CNOT4: variants seen among roughly 807,000 people sequenced by gnomAD.
CNOT4 encodes CCR4-NOT transcription complex subunit 4, also known as CCR4-associated factor 4.
CNOT4 carries 8 observed loss-of-function variants against 73.8 expected under a neutral mutation model. The observed-to-expected ratio is 0.11, with a 90% confidence interval of 0.06 to 0.20. The LOEUF is 0.20. Ranked by LOEUF, CNOT4 falls within the 10% of genes least tolerant of loss-of-function variation. CNOT4 has a pLI of 1.00. For synonymous variants in CNOT4, 293 were observed against 321.1 expected (o/e 0.91, Z 0.94); for missense variants, 564 against 883.4 (o/e 0.64, Z 4.58).
At chr7:135,499,108 C>G (rs1405845487) in intron 1 of CNOT4, among the ~76,000 whole-genome samples, 1 of 152,148 alleles carries the variant, frequency 6.6e-6, no homozygotes. Flanking sequence ...GAGTGCCTAA[C>G]TACAACATTA....
At chr7:135,412,845 T>C (rs1308842113) in intron 6 of CNOT4, among the ~76,000 whole-genome samples, 1 of 151,944 alleles carries the variant, frequency 6.6e-6, no homozygotes, top group Non-Finnish European at 1.5e-5. Context: ...ATTTAATATG[T>C]CGTATGGTCA....
chr7:135,397,635 T>C (rs7810911), intron 8 of CNOT4, among the ~76,000 whole-genome samples: 142,066 of 151,176 alleles, frequency 0.94, 66,810 homozygotes, highest in East Asian at 1. Flanking sequence ...CCCTGAGCAA[T>C]AAGACAAGAT....
rs1264501042 is a variant in CNOT4 at position 135,461,915 on chromosome 7, C to T, written c.-92-23492G>A. 4.6e-5 allele frequency among the ~76,000 whole-genome samples: 7 copies of T among 151,840 alleles called. No individual in the cohort carries two copies. In the East Asian group the frequency reaches 1.4e-3, roughly 29 times the overall value. On this transcript the variant is annotated intron_variant, in intron 1 of 11. Transcript: ENST00000541284. ...TTAAAAATTAACTGTCTTTTTTTTA[C>T]CAAGATGAAATTTCAGTAAAATATC...
At chr7:135,379,405 C>G (rs964514732) in intron 10 of CNOT4, among the ~76,000 whole-genome samples, 1 of 152,118 alleles carries the variant, frequency 6.6e-6, no homozygotes. Context: ...TTACACTTGT[C>G]TGGAACCAGG....
Position 135,438,395 on chromosome 7 carries a change from T to A in CNOT4, c.-64A>T. The stretch of plus-strand genomic sequence containing the variant: ...TTTAAGGGAGAAGGAAGTTCAGCAC[T>A]GAAAGCTAAAATGTAGGACTTTGAC... On this transcript the variant is annotated 5_prime_UTR_variant, in exon 2 of 12. Transcript: ENST00000541284. 7.2e-7 allele frequency: 1 copy of A among 1,382,090 alleles called. No individual in the cohort carries two copies. Among genetic ancestry groups the A allele is most frequent in the Non-Finnish European group, 9.7e-7 (1 of 1,028,950 alleles). 85.6% of individuals were successfully genotyped at this position (1,382,090 alleles called of 1,614,324 possible). A position where few individuals can be genotyped will look rare whatever the true frequency, so the allele number is the denominator to read the frequency against.
chr7:135,365,106 T>C (rs1585536351), intron 10 of CNOT4, among the ~76,000 whole-genome samples: 1 of 152,370 alleles, frequency 6.6e-6, no homozygotes, highest in South Asian at 2.1e-4. Context: ...AGGCACGATC[T>C]ATGCTGCTTA....
chr7:135,448,916 G>GAAAA (rs567331274), intron 1 of CNOT4, among the ~76,000 whole-genome samples: 1 of 150,110 alleles, frequency 6.7e-6, no homozygotes, highest in African/African-American at 2.4e-5. Flanking sequence ...GAATAGAGAG[G>GAAAA]AAAAAAAAGA....
chr7:135,367,660 T>G (rs941000679), intron 10 of CNOT4, among the ~76,000 whole-genome samples: 1 of 152,218 alleles, frequency 6.6e-6, no homozygotes, highest in South Asian at 2.1e-4. Flanking sequence ...GAACTAGCCC[T>G]GTGTACTAGT....
intron 1 of CNOT4, among the ~76,000 whole-genome samples, chr7:135,441,965 G>A (rs552188192): frequency 1.6e-4 from 24 of 152,166 alleles, no homozygotes; most frequent in Non-Finnish European, 3.4e-4. Flanking sequence ...GCTGCCAAAA[G>A]TAATCTCATA....
intron 1 of CNOT4, among the ~76,000 whole-genome samples, chr7:135,438,922 G>T (rs150351212): frequency 3.9e-5 from 6 of 152,022 alleles, no homozygotes; most frequent in Non-Finnish European, 8.8e-5. Context: ...AGAAAAACTC[G>T]GATGCCATAG....
intron 1 of CNOT4, among the ~76,000 whole-genome samples, chr7:135,488,406 T>C (rs1802883633): frequency 6.6e-6 from 1 of 152,126 alleles, no homozygotes; most frequent in Admixed American, 6.5e-5. Context: ...AGAGAAGGGG[T>C]TTCACCGTGT....
chr7:135,446,526 TA>T (rs1400047641), intron 1 of CNOT4, among the ~76,000 whole-genome samples: 2 of 152,232 alleles, frequency 1.3e-5, no homozygotes, highest in Non-Finnish European at 2.9e-5. Context: ...ATGATTACTA[TA>T]TTTAATTAAC....
chr7:135,470,779 A>G (rs1322237823), intron 1 of CNOT4, among the ~76,000 whole-genome samples: 5 of 152,166 alleles, frequency 3.3e-5, no homozygotes, highest in African/African-American at 9.7e-5. Flanking sequence ...AACAGCCACA[A>G]CTAAGCTCTG....
intron 1 of CNOT4, among the ~76,000 whole-genome samples, chr7:135,443,590 AACG>A (rs2129485559): frequency 6.6e-6 from 1 of 151,944 alleles, no homozygotes; most frequent in African/African-American, 2.4e-5. Context: ...CAAAGAATAA[AACG>A]ACATTACTTT....
At chr7:135,421,878 T>C (rs1179163850) in intron 3 of CNOT4, among the ~76,000 whole-genome samples, 1 of 152,208 alleles carries the variant, frequency 6.6e-6, no homozygotes, top group Admixed American at 6.5e-5. Flanking sequence ...AATAGAATCA[T>C]TATCCAATTT....
chr7:135,458,218 T>C (rs1201411008), intron 1 of CNOT4, among the ~76,000 whole-genome samples: 3 of 152,164 alleles, frequency 2.0e-5, no homozygotes, highest in Admixed American at 2.0e-4. Context: ...AAGGTATGTT[T>C]ACACTATACT....
At chr7:135,390,796 C>T (rs1796360915) in intron 10 of CNOT4, among the ~76,000 whole-genome samples, 1 of 151,978 alleles carries the variant, frequency 6.6e-6, no homozygotes, top group African/African-American at 2.4e-5. Flanking sequence ...ACTGCCATCT[C>T]TGATTTGCTC....
At chr7:135,490,512 A>G (rs1190769886) in intron 1 of CNOT4, among the ~76,000 whole-genome samples, 1 of 152,174 alleles carries the variant, frequency 6.6e-6, no homozygotes, top group East Asian at 1.9e-4. Flanking sequence ...AGGAATAGCA[A>G]CCAACTCAGG....
intron 1 of CNOT4, among the ~76,000 whole-genome samples, chr7:135,474,305 G>C (rs1214261936): frequency 1.1e-5 from 1 of 89,240 alleles, no homozygotes; most frequent in South Asian, 3.6e-4. Flanking sequence ...TTTTTTTTGA[G>C]ACAGAATCTC....
Sources: allele counts gnomAD v4.1 joint callset (sites outside exome capture counted in the v4.1 genomes callset), GRCh38; gene constraint gnomAD v4.1.1; transcripts MANE v1.5; gene names NCBI Gene and HGNC (gene_info 2026-07-23, HGNC 2026-07-21).